The following LITAF variants were observed in gnomAD, a reference collection of about 807,000 sequenced individuals.
LITAF encodes lipopolysaccharide-induced tumor necrosis factor-alpha factor.
Under a neutral mutation model 14.5 loss-of-function variants are expected in LITAF, and 9 were observed. The ratio of observed to expected loss-of-function variants is 0.62; its 90% CI spans 0.37 to 1.08. The LOEUF (loss-of-function observed/expected upper bound fraction) is 1.08, where lower values mean the gene tolerates loss of function less well. LITAF is among the 50% of genes least tolerant of loss of function. The probability of loss-of-function intolerance (pLI) is 0.01; values close to 1 mark genes in which losing one functional copy is unlikely to be tolerated. For missense variants in LITAF, 206 were observed against 213.4 expected (o/e 0.97, Z 0.22); for synonymous variants, 98 against 88.2 (o/e 1.11, Z -0.62).
intron 3 of LITAF, among the ~76,000 whole-genome samples, chr16:11,612,544 G>C (rs1268304857): frequency 6.6e-6 from 1 of 152,208 alleles, no homozygotes; most frequent in Non-Finnish European, 1.5e-5. Context: ...CACTGCATGC[G>C]GCCAGCGGGC....
intron 3 of LITAF, among the ~76,000 whole-genome samples, chr16:11,609,866 CAG>C (rs2064973473): frequency 6.6e-6 from 1 of 152,182 alleles, no homozygotes; most frequent in Non-Finnish European, 1.5e-5. Context: ...CTTTCCTGGC[CAG>C]TGATGGAAAC....
intron 3 of LITAF, among the ~76,000 whole-genome samples, chr16:11,619,487 A>G (rs2065037321): frequency 6.6e-6 from 1 of 152,186 alleles, no homozygotes. Flanking sequence ...GTCATGCAAG[A>G]GACAGAAACA....
intron 3 of LITAF, among the ~76,000 whole-genome samples, chr16:11,625,641 G>C (rs369588955): frequency 1.3e-5 from 2 of 152,156 alleles, no homozygotes; most frequent in African/African-American, 4.8e-5. Context: ...GGCTTCTTAA[G>C]AAACCCTGAG....
At chr16:11,562,102 T>C (rs2141744877) in intron 1 of LITAF, among the ~76,000 whole-genome samples, 1 of 151,690 alleles carries the variant, frequency 6.6e-6, no homozygotes, top group Admixed American at 6.6e-5. Context: ...TTAATTTTAC[T>C]TAGAGACAGG....
At chr16:11,629,184 G>GT (rs1378812538) in intron 3 of LITAF, 1 of 151,270 alleles carries the variant, frequency 6.6e-6, no homozygotes, top group Admixed American at 6.6e-5. Flanking sequence ...CATCAGATGA[G>GT]GAAGGCTCAG....
intron 1 of LITAF, among the ~76,000 whole-genome samples, chr16:11,574,064 C>T (rs1567247248): frequency 6.9e-6 from 1 of 145,896 alleles, no homozygotes; most frequent in African/African-American, 2.6e-5. Context: ...TTTTTAAAGA[C>T]AGGTTCTCAC....
At chr16:11,621,406 TGTA>T (rs1382254543) in intron 3 of LITAF, among the ~76,000 whole-genome samples, 1 of 152,196 alleles carries the variant, frequency 6.6e-6, no homozygotes, top group African/African-American at 2.4e-5. Flanking sequence ...GGTCTTGCTA[TGTA>T]GCCCAGGCTG....
rs1260881890 is a variant in LITAF at position 11,605,450 on chromosome 16, G to A, written c.85+28083C>T. 6.6e-6 allele frequency among the ~76,000 whole-genome samples: 1 copy of A among 152,168 alleles called. No homozygotes were observed. The highest frequency in any genetic ancestry group is 1.5e-5 in the Non-Finnish European group (1 of 68,024). The stretch of plus-strand genomic sequence containing the variant: ...CTGCCCTGGGCTCCCTTCACAGTGT[G>A]GGGGACCCCTTCCCAGCCCCGTGTC... On this transcript the variant is annotated intron_variant, in intron 3 of 3. Transcript: ENST00000574848. The surrounding 1 kb of genome is among the most constrained non-coding windows in gnomAD (Gnocchi z 4.7).
chr16:11,560,035 G>A (rs1484820905), intron 1 of LITAF, among the ~76,000 whole-genome samples: 7 of 152,012 alleles, frequency 4.6e-5, no homozygotes, highest in South Asian at 2.1e-4. Context: ...AGTGGCTCAC[G>A]ACTATAATCC....
At chr16:11,580,868 G>A (rs144642873) in intron 1 of LITAF, among the ~76,000 whole-genome samples, 1,640 of 152,210 alleles carry the variant, frequency 0.011, 16 homozygotes, top group Non-Finnish European at 0.015. Context: ...AGGCTCAAGC[G>A]ATCCTCTTGC....
At chr16:11,552,580 GGAAGCAGCTGT>G (rs1300157085) in intron 3 of LITAF, among the ~76,000 whole-genome samples, 1 of 152,178 alleles carries the variant, frequency 6.6e-6, no homozygotes, top group Non-Finnish European at 1.5e-5. Context: ...GTACACAGCT[GGAAGCAGCTGT>G]GAAGCTTGTC....
chr16:11,569,337 C>A (rs900013173), intron 1 of LITAF, among the ~76,000 whole-genome samples: 3 of 152,116 alleles, frequency 2.0e-5, no homozygotes, highest in Non-Finnish European at 4.4e-5. Flanking sequence ...AACTCCTGGG[C>A]CCAAGTGATC....
intron 3 of LITAF, among the ~76,000 whole-genome samples, chr16:11,552,277 G>A (rs2064192966): frequency 6.6e-6 from 1 of 152,134 alleles, no homozygotes; most frequent in Non-Finnish European, 1.5e-5. Flanking sequence ...ACTTTTACCT[G>A]CTTGGTGGGA....
intron 1 of LITAF, among the ~76,000 whole-genome samples, chr16:11,570,909 C>T (rs991372584): frequency 3.0e-4 from 45 of 151,816 alleles, no homozygotes; most frequent in Non-Finnish European, 1.2e-4. Flanking sequence ...CAGAGCAAGA[C>T]CTCTGTTGGG....
chr16:11,549,775 G>C lies in LITAF; in HGVS notation c.378-30C>G. 1 of 1,553,538 alleles carries C rather than the reference G, an allele frequency of 6.4e-7. No individual in the cohort carries two copies. The highest frequency in any genetic ancestry group is 8.8e-7 in the Non-Finnish European group (1 of 1,132,178). Reference sequence around the variant, plus strand: ...GAGGAGAGAGAGACACACGGAGCGCGTTACTGATCACAACAGGGTGAACAC... The same window carrying C: ...GAGGAGAGAGAGACACACGGAGCGCCTTACTGATCACAACAGGGTGAACAC... On this transcript the variant is annotated intron_variant, in intron 3 of 3. Transcript: ENST00000622633. The surrounding 1 kb of genome is among the most constrained non-coding windows in gnomAD (Gnocchi z 4.6).
intron 1 of LITAF, among the ~76,000 whole-genome samples, chr16:11,560,419 T>G (rs1028093463): frequency 1.4e-4 from 22 of 151,952 alleles, no homozygotes; most frequent in African/African-American, 5.3e-4. Context: ...GAGACCAGCC[T>G]GGCCAACATG....
intron 1 of LITAF, among the ~76,000 whole-genome samples, chr16:11,568,441 C>T (rs72779166): frequency 0.08 from 12,208 of 152,088 alleles, 724 homozygotes; most frequent in East Asian, 0.24. Flanking sequence ...CTTGGGGTAG[C>T]CCTAAAGCCA....
chr16:11,564,101 G>A lies in LITAF; in HGVS notation c.-5-7366C>T, dbSNP rs140300769. Among the ~76,000 whole-genome samples, 51 of 151,996 alleles carry A rather than the reference G, an allele frequency of 3.4e-4. No homozygotes were observed. In the East Asian group the frequency reaches 8.7e-3, roughly 26 times the overall value. ...TTTTTGTATTTTTACTAGAGACAGG[G>A]GTTTCACCATGTTGGCCAGGCTGCT... On this transcript the variant is annotated intron_variant, in intron 1 of 3. Transcript: ENST00000622633.
chr16:11,582,458 G>C (rs913547307), intron 1 of LITAF, among the ~76,000 whole-genome samples: 1 of 152,056 alleles, frequency 6.6e-6, no homozygotes, highest in African/African-American at 2.4e-5. Flanking sequence ...AAAAGGGCAA[G>C]GCCTTCAGAA....
Sources: allele counts gnomAD v4.1 joint callset (sites outside exome capture counted in the v4.1 genomes callset), GRCh38; gene constraint gnomAD v4.1.1; non-coding constraint Gnocchi (gnomAD v3.1); transcripts MANE v1.5; gene names NCBI Gene and HGNC (gene_info 2026-07-23, HGNC 2026-07-21).